Variants in ZNF804B observed in about 807,000 individuals in gnomAD.
ZNF804B encodes zinc finger 804B.
In ZNF804B, 80 loss-of-function variants were observed where a neutral mutation model predicts 101.4. The ratio of observed to expected loss-of-function variants is 0.79; its 90% confidence interval spans 0.66 to 0.95. ZNF804B has a LOEUF of 0.95. Among genes scored for constraint, ZNF804B ranks in the 40% least tolerant of loss-of-function variants. The pLI, the probability that ZNF804B is intolerant of heterozygous loss-of-function variation, is 0.00. For missense variants in ZNF804B, 1,673 were observed against 1,561.9 expected (o/e 1.07, Z -1.20); for synonymous variants, 622 against 558.8 (o/e 1.11, Z -1.59).
chr7:88,940,538 G>A (rs547516753), intron 1 of ZNF804B, among the ~76,000 whole-genome samples: 4 of 151,892 alleles, frequency 2.6e-5, no homozygotes, highest in African/African-American at 9.6e-5. Context: ...TTGAGGACGA[G>A]GCAGGAGGAT....
chr7:89,315,958 G>A (rs1032505161), intron 2 of ZNF804B, among the ~76,000 whole-genome samples: 11 of 152,264 alleles, frequency 7.2e-5, no homozygotes, highest in Admixed American at 2.0e-4. Flanking sequence ...TGTCTGCATT[G>A]TAGGAATTAT....
At chr7:89,028,052 C>T (rs1244884186) in intron 1 of ZNF804B, among the ~76,000 whole-genome samples, 1 of 152,124 alleles carries the variant, frequency 6.6e-6, no homozygotes, top group Non-Finnish European at 1.5e-5. Context: ...TTACTCAACC[C>T]ATGATTCCTG....
At chr7:88,809,943 A>G (rs1292168793) in intron 1 of ZNF804B, among the ~76,000 whole-genome samples, 1 of 152,180 alleles carries the variant, frequency 6.6e-6, no homozygotes, top group Non-Finnish European at 1.5e-5. Context: ...GCTCTCATGT[A>G]TTCATGCCAA....
At chr7:89,212,290 A>ACAC (rs1491050529) in intron 1 of ZNF804B, among the ~76,000 whole-genome samples, 13,435 of 96,984 alleles carry the variant, frequency 0.14, 682 homozygotes, top group Non-Finnish European at 0.16. Flanking sequence ...CACACACACA[A>ACAC]ACAGACTGCA....
Position 88,874,407 on chromosome 7 carries a change from C to T in ZNF804B, c.108+114323C>T, listed in dbSNP as rs576737819. 5.3e-4 allele frequency among the ~76,000 whole-genome samples: 80 copies of T among 151,594 alleles called. 1 individual carries two copies. The East Asian group carries it at 0.011, about 20-fold the overall frequency. The stretch of plus-strand genomic sequence containing the variant: ...GGGTTTTCTAGATATACAATCATGT[C>T]GTCTGCAAACAGGGACAATTTGACT... On this transcript the variant is annotated intron_variant, in intron 1 of 3. Coordinates refer to ENST00000333190, the MANE Select transcript of ZNF804B (RefSeq NM_181646.5).
At position 88,941,124 on chromosome 7, in the gene ZNF804B, A is replaced by T. The variant is rs543875915; in HGVS notation, c.108+181040A>T. Among the ~76,000 whole-genome samples, 7 of 152,140 alleles carry T rather than the reference A, an allele frequency of 4.6e-5. No homozygotes were observed. In the South Asian group the frequency reaches 1.5e-3, roughly 32 times the overall value. On this transcript the variant is annotated intron_variant, in intron 1 of 3. Transcript: ENST00000333190. ...ATTACTGACAACATAAAAAGTGGCCAAAAATGTGGAGCAATAGAATCTCTC... is the reference window on the plus strand; with the variant it reads ...ATTACTGACAACATAAAAAGTGGCCTAAAATGTGGAGCAATAGAATCTCTC...
intron 1 of ZNF804B, among the ~76,000 whole-genome samples, chr7:89,133,159 G>A (rs1790577616): frequency 6.6e-6 from 1 of 151,996 alleles, no homozygotes; most frequent in South Asian, 2.1e-4. Flanking sequence ...GGCAGCTGGA[G>A]GCTGTTGGAA....
intron 2 of ZNF804B, among the ~76,000 whole-genome samples, chr7:89,297,870 C>A (rs1050765557): frequency 6.6e-6 from 1 of 151,348 alleles, no homozygotes; most frequent in Non-Finnish European, 1.5e-5. Flanking sequence ...ATTTAGATAG[C>A]ACTATTTTTA....
intron 1 of ZNF804B, among the ~76,000 whole-genome samples, chr7:89,098,266 A>T (rs1322856958): frequency 8.0e-6 from 1 of 124,808 alleles, no homozygotes; most frequent in East Asian, 2.1e-4. Flanking sequence ...AAAAAGCATC[A>T]TCATAATTTT....
chr7:89,022,334 A>C (rs938623617), intron 1 of ZNF804B, among the ~76,000 whole-genome samples: 1 of 152,154 alleles, frequency 6.6e-6, no homozygotes, highest in Non-Finnish European at 1.5e-5. Flanking sequence ...TACATTACGA[A>C]CTTTTAAATA....
At chr7:89,075,347 A>ATC (rs1473018544) in intron 1 of ZNF804B, among the ~76,000 whole-genome samples, 2 of 152,154 alleles carry the variant, frequency 1.3e-5, no homozygotes, top group Admixed American at 6.5e-5. Context: ...GCTGCGTGCC[A>ATC]TCTAGGGACT....
At chr7:89,227,429 C>G (rs2115728303) in intron 2 of ZNF804B, among the ~76,000 whole-genome samples, 1 of 152,216 alleles carries the variant, frequency 6.6e-6, no homozygotes, top group Non-Finnish European at 1.5e-5. Flanking sequence ...GCTGGAGATT[C>G]ATTATGGAGT....
At chr7:89,013,602 C>A (rs941779014) in intron 1 of ZNF804B, among the ~76,000 whole-genome samples, 3 of 152,218 alleles carry the variant, frequency 2.0e-5, no homozygotes, top group Non-Finnish European at 4.4e-5. Flanking sequence ...TTAATATTCA[C>A]AGCATCTCAA....
intron 2 of ZNF804B, among the ~76,000 whole-genome samples, chr7:89,296,870 T>C (rs1234256048): frequency 6.6e-6 from 1 of 152,084 alleles, no homozygotes; most frequent in East Asian, 1.9e-4. Flanking sequence ...CAGAGTCCAC[T>C]TCCTTAAATG....
intron 1 of ZNF804B, among the ~76,000 whole-genome samples, chr7:89,163,118 G>A (rs1791092308): frequency 6.6e-6 from 1 of 151,986 alleles, no homozygotes; most frequent in South Asian, 2.1e-4. Flanking sequence ...AATCAAAATG[G>A]TAAAGATAAA....
intron 1 of ZNF804B, among the ~76,000 whole-genome samples, chr7:88,800,213 G>A (rs1198818690): frequency 6.6e-6 from 1 of 151,992 alleles, no homozygotes; most frequent in African/African-American, 2.4e-5. Context: ...ATTTAGCATA[G>A]CAAATCTGAG....
At chr7:89,293,634 A>C (rs1231959979) in intron 2 of ZNF804B, among the ~76,000 whole-genome samples, 1 of 152,050 alleles carries the variant, frequency 6.6e-6, no homozygotes, top group Non-Finnish European at 1.5e-5. Context: ...AATACAAAAA[A>C]ATTAGCCAGG....
At chr7:89,032,767 C>A (rs1284098166) in intron 1 of ZNF804B, among the ~76,000 whole-genome samples, 1 of 151,866 alleles carries the variant, frequency 6.6e-6, no homozygotes, top group Non-Finnish European at 1.5e-5. Flanking sequence ...GCAGACATAA[C>A]CTACCTGGGA....
At chr7:89,271,671 A>G (rs1267194129) in intron 2 of ZNF804B, among the ~76,000 whole-genome samples, 2 of 152,184 alleles carry the variant, frequency 1.3e-5, no homozygotes, top group Non-Finnish European at 2.9e-5. Flanking sequence ...TACCTCTGGT[A>G]GAATTCGGCT....
Sources: gnomAD v4.1 joint callset for allele counts (sites outside exome capture counted in the v4.1 genomes callset) on GRCh38, gnomAD v4.1.1 for gene constraint, MANE v1.5 for transcripts, NCBI Gene and HGNC (gene_info 2026-07-23, HGNC 2026-07-21) for gene names.